The following GABBR2 variants were observed in gnomAD, a reference collection of about 807,000 sequenced individuals.
The protein encoded by GABBR2 is gamma-aminobutyric acid type B receptor subunit 2.
Under a neutral mutation model 105.6 loss-of-function variants are expected in GABBR2, and 23 were observed. The observed-to-expected ratio is 0.22, with a 90% CI of 0.16 to 0.31. The LOEUF (loss-of-function observed/expected upper bound fraction) is 0.31. Ranked by LOEUF, GABBR2 falls within the 10% of genes least tolerant of loss-of-function variation. The probability of loss-of-function intolerance (pLI) is 1.00; values close to 1 mark genes in which losing one functional copy is unlikely to be tolerated. For synonymous variants in GABBR2, 478 were observed against 499.7 expected (o/e 0.96, Z 0.58); for missense variants, 734 against 1,245.5 (o/e 0.59, Z 6.18).
At chr9:98,638,514 A>C (rs1829912597) in intron 1 of GABBR2, among the ~76,000 whole-genome samples, 1 of 152,210 alleles carries the variant, frequency 6.6e-6, no homozygotes, top group South Asian at 2.1e-4. Flanking sequence ...TGGTTAAGAT[A>C]AATATTAAAA....
chr9:98,636,169 A>G (rs2131832335), intron 1 of GABBR2, among the ~76,000 whole-genome samples: 1 of 152,334 alleles, frequency 6.6e-6, no homozygotes, highest in South Asian at 2.1e-4. Flanking sequence ...TTCATATGAA[A>G]AAAATGCACT....
chr9:98,622,687 G>GC lies in GABBR2; in HGVS notation c.322-44616dup, dbSNP rs556711985. ...GAGTCAAAGCCAAAGTCCTTGCAGTGCCCCCCCAGCCCCATGTGGCCTGCC... is the reference window on the plus strand; with the variant it reads ...GAGTCAAAGCCAAAGTCCTTGCAGTGCCCCCCCCAGCCCCATGTGGCCTGCC... On this transcript the variant is annotated intron_variant, in intron 1 of 18. Coordinates refer to ENST00000259455, the MANE Select transcript of GABBR2 (RefSeq NM_005458.8). Among the ~76,000 whole-genome samples the GC allele has an allele frequency of 1.6e-4, 25 of 152,116 alleles. No individual in the cohort carries two copies. The East Asian group carries it at 2.5e-3, about 15-fold the overall frequency.
intron 1 of GABBR2, among the ~76,000 whole-genome samples, chr9:98,662,930 A>T (rs1784995989): frequency 6.6e-6 from 1 of 152,192 alleles, no homozygotes; most frequent in South Asian, 2.1e-4. Flanking sequence ...CCCAGACAGC[A>T]TGTCCCACAG....
chr9:98,294,007 A>T (rs1025334384), intron 17 of GABBR2, 105 bp from the exon 18 acceptor site: 1 of 755,068 alleles, frequency 1.3e-6, no homozygotes, highest in Non-Finnish European at 2.4e-6. Flanking sequence ...AGAATGCAAA[A>T]GAGCCCATTA....
chr9:98,341,556 G>A (rs779824150), intron 13 of GABBR2, among the ~76,000 whole-genome samples: 1 of 152,230 alleles, frequency 6.6e-6, no homozygotes, highest in Admixed American at 6.5e-5. Context: ...TTGCGGCTGA[G>A]CGTTGAATTT....
chr9:98,620,850 C>T (rs765569680), intron 1 of GABBR2, among the ~76,000 whole-genome samples: 3 of 152,084 alleles, frequency 2.0e-5, no homozygotes, highest in Admixed American at 6.5e-5. Flanking sequence ...TCGCTATCTG[C>T]GGGGCCCTCA....
chr9:98,648,467 T>G lies in GABBR2; in HGVS notation c.321+59950A>C, dbSNP rs562882498. Among the ~76,000 whole-genome samples the G allele has an allele frequency of 3.3e-5, 5 of 152,220 alleles. No individual in the cohort carries two copies. In the East Asian group the frequency reaches 9.7e-4, roughly 29 times the overall value. ...TATACTTCTACCACCCAACGGCATT[T>G]AAAGATGCATCTCCACGTTTTGACA... On this transcript the variant is annotated intron_variant, in intron 1 of 18. Coordinates refer to ENST00000259455, the MANE Select transcript of GABBR2 (RefSeq NM_005458.8).
intron 3 of GABBR2, among the ~76,000 whole-genome samples, chr9:98,511,551 A>G (rs1342796544): frequency 1.3e-5 from 2 of 151,372 alleles, no homozygotes; most frequent in Non-Finnish European, 1.5e-5. Flanking sequence ...TCAAATAGAC[A>G]CAATAAAAAA....
At chr9:98,466,215 G>A (rs1013410015) in intron 6 of GABBR2, among the ~76,000 whole-genome samples, 1 of 152,114 alleles carries the variant, frequency 6.6e-6, no homozygotes, top group Non-Finnish European at 1.5e-5. Flanking sequence ...CTTTATAACA[G>A]TGTGAGAAAG....
intron 2 of GABBR2, among the ~76,000 whole-genome samples, chr9:98,568,303 T>TGG (rs11409053): frequency 0.037 from 5,615 of 151,984 alleles, 154 homozygotes; most frequent in Middle Eastern, 0.082. Context: ...CACAGTCAAA[T>TGG]GGGGGGGCAG....
At position 98,381,298 on chromosome 9, in the gene GABBR2, G is replaced by T. The variant is rs147739283; in HGVS notation, c.1662+4342C>A. Among the ~76,000 whole-genome samples the T allele has an allele frequency of 7.9e-4, 121 of 152,332 alleles. 1 individual carries two copies. Among genetic ancestry groups the T allele is most frequent in the African/African-American group, 2.8e-3 (115 of 41,564 alleles). ...CTAGTAAGTGGAGGAGGTGGCAGTC[G>T]AATGCAGGCTGTTGTTGGAAGATCC... is the stretch of plus-strand genomic sequence containing the variant. On this transcript the variant is annotated intron_variant, in intron 11 of 18. Coordinates refer to ENST00000259455, the MANE Select transcript of GABBR2 (RefSeq NM_005458.8).
chr9:98,708,678 G>GGGCGGCGGTGGC lies in GABBR2; in HGVS notation c.48_59dup (p.Pro17_Pro20dup), dbSNP rs1286951382. 8.9e-7 allele frequency: 1 copy of GGGCGGCGGTGGC among 1,128,328 alleles called. No individual in the cohort carries two copies. Among genetic ancestry groups the GGGCGGCGGTGGC allele is most frequent in the African/African-American group, 1.7e-5 (1 of 60,414 alleles). The allele number at this position is 1,128,328 out of a possible 1,614,324, so 69.9% of individuals were successfully genotyped here. ...GCAGCAGTAGCAGTAGCAGGCGCGC[G>GGGCGGCGGTGGC]GGCGGCGGTGGCGGCGGCGGCGGCG... is the stretch of plus-strand genomic sequence containing the variant. On this transcript the variant is annotated inframe_insertion, in exon 1 of 19. Transcript: ENST00000259455.
At chr9:98,485,535 CTCACGCACGCACAT>C (rs1233849636) in intron 4 of GABBR2, among the ~76,000 whole-genome samples, 1 of 152,078 alleles carries the variant, frequency 6.6e-6, no homozygotes, top group Non-Finnish European at 1.5e-5. Context: ...CGCACACACA[CTCACGCACGCACAT>C]GACACTTAGC....
chr9:98,488,654 C>T (rs1827110946), intron 4 of GABBR2, among the ~76,000 whole-genome samples: 1 of 151,932 alleles, frequency 6.6e-6, no homozygotes, highest in Non-Finnish European at 1.5e-5. Context: ...AACCGCTCCT[C>T]CACTTAAGGC....
At chr9:98,406,905 G>A (rs72759679) in intron 7 of GABBR2, among the ~76,000 whole-genome samples, 2,467 of 152,260 alleles carry the variant, frequency 0.016, 29 homozygotes, top group Non-Finnish European at 0.026. Flanking sequence ...GCAGCCATAC[G>A]AGGAAATTGA....
At chr9:98,573,263 C>T (rs939157512) in intron 2 of GABBR2, among the ~76,000 whole-genome samples, 1 of 152,198 alleles carries the variant, frequency 6.6e-6, no homozygotes, top group Non-Finnish European at 1.5e-5. Flanking sequence ...GCATATAGAA[C>T]AAATTATTTT....
At chr9:98,318,013 G>C (rs1830748862) in intron 13 of GABBR2, among the ~76,000 whole-genome samples, 1 of 152,218 alleles carries the variant, frequency 6.6e-6, no homozygotes, top group South Asian at 2.1e-4. Flanking sequence ...CATGTGAAAA[G>C]CTAGGGGAAG....
At chr9:98,389,667 G>A (rs919837461) in intron 9 of GABBR2, among the ~76,000 whole-genome samples, 3 of 152,282 alleles carry the variant, frequency 2.0e-5, no homozygotes, top group East Asian at 1.9e-4. Context: ...GCAGAGGTGC[G>A]CTGCTCATTC....
intron 6 of GABBR2, among the ~76,000 whole-genome samples, chr9:98,459,639 C>CT (rs1348735028): frequency 3.3e-5 from 5 of 152,274 alleles, no homozygotes; most frequent in African/African-American, 1.2e-4. Flanking sequence ...AAGCAAGAGG[C>CT]TGAGAAGCCA....
Sources: allele counts gnomAD v4.1 joint callset (sites outside exome capture counted in the v4.1 genomes callset), GRCh38; gene constraint gnomAD v4.1.1; transcripts MANE v1.5; gene names NCBI Gene and HGNC (gene_info 2026-07-23, HGNC 2026-07-21).